Variants in SIRT6 observed in about 807,000 individuals in gnomAD.
The protein encoded by SIRT6 is NAD-dependent protein deacylase sirtuin-6.
In SIRT6, 21 loss-of-function variants were observed where a neutral mutation model predicts 33.6. That is an observed-to-expected ratio of 0.62 (90% CI 0.44 to 0.90). The LOEUF is 0.90. SIRT6 is among the 40% of genes least tolerant of loss of function. SIRT6 has a pLI of 0.00. For synonymous variants in SIRT6, 221 were observed against 223.9 expected, an observed-to-expected ratio of 0.99 and a Z score of 0.12; for missense variants, 504 against 510.6, an observed-to-expected ratio of 0.99 and a Z score of 0.12.
Position 4,179,450 on chromosome 19 carries a change from G to A in SIRT6, c.195-164C>T, listed in dbSNP as rs1967498690. 3 of 714,252 alleles carry A rather than the reference G, an allele frequency of 4.2e-6. No homozygotes were observed. The East Asian group carries it at 8.3e-5, about 20-fold the overall frequency. 44.2% of individuals were successfully genotyped at this position (714,252 alleles called of 1,614,324 possible). A position where few individuals can be genotyped will look rare whatever the true frequency, so the allele number is the denominator to read the frequency against. Reference sequence around the variant, plus strand: ...GGAATCAGAAACAGAAATAGAGGGTGAGTTGCAAGAACAGGGAGAGGGGGA... The same window carrying A: ...GGAATCAGAAACAGAAATAGAGGGTAAGTTGCAAGAACAGGGAGAGGGGGA... On this transcript the variant is annotated intron_variant, in intron 2 of 7. Coordinates refer to ENST00000337491, the MANE Select transcript of SIRT6 (RefSeq NM_016539.4).
intron 2 of SIRT6, chr19:4,179,560 G>A: frequency 8.2e-6 from 4 of 488,940 alleles, no homozygotes; most frequent in South Asian, 3.3e-5. Context: ...GAGAGGGAGA[G>A]GCAGAGAGAG....
intron 1 of SIRT6, among the ~76,000 whole-genome samples, chr19:4,181,213 C>T (rs1205415975): frequency 6.6e-6 from 1 of 152,144 alleles, no homozygotes; most frequent in Non-Finnish European, 1.5e-5. Context: ...CCTCCTTGTT[C>T]CTCTATCACA....
intron 6 of SIRT6, 134 bp from the exon 7 acceptor site, chr19:4,175,285 G>T: frequency 1.6e-6 from 2 of 1,266,236 alleles, no homozygotes; most frequent in Non-Finnish European, 2.1e-6. Context: ...TCCCGAGTCA[G>T]CCTTTGGGAT....
At chr19:4,176,997 C>G (rs889212562) in intron 4 of SIRT6, 82 bp downstream of exon 4, 27 of 1,260,236 alleles carry the variant, frequency 2.1e-5, no homozygotes, top group Non-Finnish European at 3.0e-5. Flanking sequence ...TCCCCCCATA[C>G]CCTCTGGGTC....
intron 1 of SIRT6, 88 bp downstream of exon 1, chr19:4,182,385 CT>C (rs912318381): frequency 1.4e-5 from 19 of 1,348,380 alleles, no homozygotes; most frequent in African/African-American, 1.2e-4. Flanking sequence ...TCAGTGCCCC[CT>C]GATATTCCCA....
Position 4,180,896 on chromosome 19 carries a change from G to T in SIRT6, c.80C>A (p.Pro27Gln). The T allele has an allele frequency of 1.2e-6, 2 of 1,611,040 alleles. No homozygotes were observed. The highest frequency in any genetic ancestry group is 1.1e-5 in the South Asian group (1 of 90,718). ...KCGLPEIFDP[P>Q]EELERKVWEL... is the part of the protein sequence containing the mutation. ...CCACACCTTCCGCTCCAGCTCCTCCGGGGGGTCGAAGATCTGTGGGGGGAG... is the reference window on the plus strand; with the variant it reads ...CCACACCTTCCGCTCCAGCTCCTCCTGGGGGTCGAAGATCTGTGGGGGGAG... Residue 27 changes from proline (P) to glutamine (Q), a missense_variant, in exon 2 of 8, where the codon CCG (proline) becomes CAG (glutamine). By Grantham distance (76) the Pro-to-Gln change is moderately conservative (BLOSUM62 -1). Transcript: ENST00000337491.
At position 4,175,026 on chromosome 19, in the gene SIRT6, AC is replaced by A; in HGVS notation, c.738+1del. On this transcript the variant is annotated splice_donor_variant, in intron 7 of 7. Coordinates refer to ENST00000337491, the MANE Select transcript of SIRT6 (RefSeq NM_016539.4). LOFTEE classifies it high-confidence loss of function. ...TGGGCAGGGGTAGGCTCAGACACCT[AC>A]GTGCTTGGTGGGCTGCAGGTTGACG... is the stretch of plus-strand genomic sequence containing the variant. 1.3e-6 allele frequency: 2 copies of A among 1,597,346 alleles called. No individual in the cohort carries two copies. The highest frequency in any genetic ancestry group is 1.7e-6 in the Non-Finnish European group (2 of 1,170,994).
rs757448593 is a variant in SIRT6 at position 4,182,532 on chromosome 19, A to C, written c.8T>G (p.Val3Gly). The part of the protein sequence containing the change: MS[V>G]NYAAGLSPYA... ...CGGCGACAGCCCCGCCGCGTAATTC[A>C]CCGACATCCTCGACTGCCCCACGGG... Residue 3 changes from valine to glycine, a missense_variant, in exon 1 of 8, where the codon GTG becomes GGG. Val to Gly is a moderately radical substitution (Grantham distance 109, BLOSUM62 -3). Coordinates refer to ENST00000337491, the MANE Select transcript of SIRT6 (RefSeq NM_016539.4). 1 of 1,610,740 alleles carries C rather than the reference A, an allele frequency of 6.2e-7. No individual in the cohort carries two copies. The highest frequency in any genetic ancestry group is 1.7e-5 in the Admixed American group (1 of 59,824).
At chr19:4,177,384 C>T (rs1418798257) in intron 3 of SIRT6, among the ~76,000 whole-genome samples, 1 of 152,084 alleles carries the variant, frequency 6.6e-6, no homozygotes, top group East Asian at 1.9e-4. Flanking sequence ...CTGAACCCAC[C>T]TTAGATAACG....
In SIRT6 at chr19:4,174,527, CG is replaced by C; in HGVS notation, c.*89del. 1.6e-6 allele frequency: 2 copies of C among 1,240,072 alleles called. No individual in the cohort carries two copies. The highest frequency in any genetic ancestry group is 3.7e-5 in the South Asian group (2 of 53,798). 76.8% of individuals were successfully genotyped at this position (1,240,072 alleles called of 1,614,324 possible). A position where few individuals can be genotyped will look rare whatever the true frequency, so the allele number is the denominator to read the frequency against. On this transcript the variant is annotated 3_prime_UTR_variant, in exon 8 of 8. Transcript: ENST00000337491. The surrounding 1 kb of genome is among the most constrained non-coding windows in gnomAD (Gnocchi z 4.2). ...ACAGCTCTCAGAGCCCTGAGGCTCC[CG>C]GGGACAGAAACAAGTAACAAAGTGA...
intron 1 of SIRT6, among the ~76,000 whole-genome samples, chr19:4,181,236 C>G (rs1344057003): frequency 2.0e-5 from 3 of 152,144 alleles, no homozygotes; most frequent in Non-Finnish European, 2.9e-5. Flanking sequence ...AGGCACAGTC[C>G]CGCCTCAGGG....
Position 4,182,554 on chromosome 19 carries a change from C to G in SIRT6, c.-15G>C, listed in dbSNP as rs780929660. ...TTCACCGACATCCTCGACTGCCCCA[C>G]GGGAACAATAAAGTTTCCCTTGTTG... On this transcript the variant is annotated 5_prime_UTR_variant, in exon 1 of 8. Transcript: ENST00000337491. The G allele has an allele frequency of 1.9e-6, 3 of 1,607,386 alleles. No homozygotes were observed. The highest frequency in any genetic ancestry group is 2.5e-6 in the Non-Finnish European group (3 of 1,177,604).
In SIRT6 at chr19:4,174,306, GGA is replaced by G; in HGVS notation, c.*309_*310del. 1 of 252,952 alleles carries G rather than the reference GGA, an allele frequency of 4.0e-6. No homozygotes were observed. The highest frequency in any genetic ancestry group is 5.2e-5 in the Admixed American group (1 of 19,106). 15.7% of individuals were successfully genotyped at this position (252,952 alleles called of 1,614,324 possible). On this transcript the variant is annotated 3_prime_UTR_variant, in exon 8 of 8. Transcript: ENST00000337491. The surrounding 1 kb of genome is among the most constrained non-coding windows in gnomAD (Gnocchi z 4.2). ...CAGAAGGGAGGCCCTGGGGACAGAG[GGA>G]GTTCACTCCTGTTTAAGCTGGAGAC...
chr19:4,177,413 C>T (rs1967371298), intron 3 of SIRT6, among the ~76,000 whole-genome samples: 1 of 152,038 alleles, frequency 6.6e-6, no homozygotes, highest in African/African-American at 2.4e-5. Flanking sequence ...TTTCCACTCA[C>T]AAAATGCCCG....
rs1317748164 is a variant in SIRT6 at position 4,174,822 on chromosome 19, G to A, written c.863C>T (p.Pro288Leu). 2 of 1,555,060 alleles carry A rather than the reference G, an allele frequency of 1.3e-6. No homozygotes were observed. The highest frequency in any genetic ancestry group is 2.3e-5 in the South Asian group (2 of 85,972). ...CTTGGGGGTGGGCGGGCGGGGCAGGGGTGGCAGCGCCCTCTCCAGCACACG... is the reference window on the plus strand; with the variant it reads ...CTTGGGGGTGGGCGGGCGGGGCAGGAGTGGCAGCGCCCTCTCCAGCACACG... ...GPRVLERALP[P>L]LPRPPTPKLE... Residue 288 changes from proline (P) to leucine (L), a missense_variant, in exon 8 of 8, where the codon CCC (proline) becomes CTC (leucine). Transcript: ENST00000337491. The surrounding 1 kb of genome is among the most constrained non-coding windows in gnomAD (Gnocchi z 4.2).
In SIRT6 at chr19:4,182,495, C is replaced by G; in HGVS notation, c.45G>C (p.Lys15Asn). The G allele has an allele frequency of 6.2e-7, 1 of 1,611,470 alleles. No individual in the cohort carries two copies. The highest frequency in any genetic ancestry group is 8.5e-7 in the Non-Finnish European group (1 of 1,179,154). The change falls in exon 1 of 8, where the codon AAG becomes AAC. Residue 15 changes from lysine to asparagine, a missense_variant. Physicochemically the swap from Lys to Asn is moderately conservative, Grantham distance 94. Transcript: ENST00000337491. ...TCACCTCCGGGAGGCCGCACTTGCCCTTGTCCGCGTACGGCGACAGCCCCG... is the reference window on the plus strand; with the variant it reads ...TCACCTCCGGGAGGCCGCACTTGCCGTTGTCCGCGTACGGCGACAGCCCCG... ...YAAGLSPYADKGKCGLPEIFD... is the reference protein window; with the variant it reads ...YAAGLSPYADNGKCGLPEIFD...
chr19:4,174,477 G>T lies in SIRT6; in HGVS notation c.*140C>A. 1.4e-6 allele frequency: 1 copy of T among 736,212 alleles called. No individual in the cohort carries two copies. The highest frequency in any genetic ancestry group is 2.0e-6 in the Non-Finnish European group (1 of 504,230). The allele number at this position is 736,212 out of a possible 1,614,324, so 45.6% of individuals were successfully genotyped here. A position where few individuals can be genotyped will look rare whatever the true frequency, so the allele number is the denominator to read the frequency against. ...GGAGCCCAGGGAGGGACCACGGAGGGCAGGTGTAACCCCTGGCCTGGAGCA... is the reference window on the plus strand; with the variant it reads ...GGAGCCCAGGGAGGGACCACGGAGGTCAGGTGTAACCCCTGGCCTGGAGCA... On this transcript the variant is annotated 3_prime_UTR_variant, in exon 8 of 8. Coordinates refer to ENST00000337491, the MANE Select transcript of SIRT6 (RefSeq NM_016539.4). The surrounding 1 kb of genome is among the most constrained non-coding windows in gnomAD (Gnocchi z 4.2).
At chr19:4,181,251 A>G (rs886695781) in intron 1 of SIRT6, among the ~76,000 whole-genome samples, 1 of 151,848 alleles carries the variant, frequency 6.6e-6, no homozygotes, top group Admixed American at 6.6e-5. Context: ...TCAGGGCCAC[A>G]CCCTTTAATG....
At position 4,182,475 on chromosome 19, in the gene SIRT6, TC is replaced by T. The variant is rs1967767071; in HGVS notation, c.64del (p.Glu22ArgfsTer138). 5.6e-6 allele frequency: 9 copies of T among 1,609,580 alleles called. No homozygotes were observed. The highest frequency in any genetic ancestry group is 7.6e-6 in the Non-Finnish European group (9 of 1,178,458). ...YADKGKCGLP[E>X]IFDPPEELER... ...CTCGGGACCCTCAGACGCGCTCACCTCCGGGAGGCCGCACTTGCCCTTGTCC... is the reference window on the plus strand; with the variant it reads ...CTCGGGACCCTCAGACGCGCTCACCTCGGGAGGCCGCACTTGCCCTTGTCC... On this transcript the variant is annotated frameshift_variant and splice_region_variant, in exon 1 of 8. Transcript: ENST00000337491. LOFTEE classifies it high-confidence loss of function.
Sources: allele counts gnomAD v4.1 joint callset (sites outside exome capture counted in the v4.1 genomes callset), GRCh38; gene constraint gnomAD v4.1.1; non-coding constraint Gnocchi (gnomAD v3.1); transcripts MANE v1.5; gene names NCBI Gene and HGNC (gene_info 2026-07-23, HGNC 2026-07-21).